The following INTS2 variants were observed in gnomAD, a reference collection of about 807,000 sequenced individuals.
INTS2 encodes KIAA1287.
INTS2 carries 57 observed loss-of-function variants against 139.6 expected under a neutral mutation model. That is an observed-to-expected ratio of 0.41 (90% CI 0.33 to 0.51). The LOEUF is 0.51. INTS2 is among the 20% of genes least tolerant of loss of function. The pLI is 0.28. For synonymous variants in INTS2, 473 were observed against 493.4 expected (o/e 0.96, Z 0.55); for missense variants, 1,196 against 1,436.7 (o/e 0.83, Z 2.71).
rs368476586 is a variant in INTS2 at position 61,911,981 on chromosome 17, T to C, written c.739A>G (p.Lys247Glu). 5 of 1,613,826 alleles carry C rather than the reference T, an allele frequency of 3.1e-6. No individual in the cohort carries two copies. Among genetic ancestry groups the C allele is most frequent in the Non-Finnish European group, 4.2e-6 (5 of 1,179,844 alleles). Reference sequence around the variant, plus strand: ...TTGAGGGCCTGAGAAGGATTCATTTTACACAAGAAGCGTAAGGCATCTGTC... The same window carrying C: ...TTGAGGGCCTGAGAAGGATTCATTTCACACAAGAAGCGTAAGGCATCTGTC... ...RRTDALRFLC[K>E]MNPSQALKVR... is the part of the protein sequence containing the mutation. Residue 247 changes from lysine to glutamate, a missense_variant, in exon 6 of 25, where the codon AAA becomes GAA. Around this residue, in one of 3 missense-constraint regions of INTS2, gnomAD observed 1,129 missense variants for 1,341.9 expected, o/e 0.84. Coordinates refer to ENST00000251334, the MANE Select transcript of INTS2 (RefSeq NM_001351695.2).
rs573158943 is a variant in INTS2 at position 61,872,794 on chromosome 17, A to G, written c.2583-334T>C. 6.6e-6 allele frequency among the ~76,000 whole-genome samples: 1 copy of G among 152,326 alleles called. No homozygotes were observed. Among genetic ancestry groups the G allele is most frequent in the East Asian group, 1.9e-4 (1 of 5,188 alleles). On this transcript the variant is annotated intron_variant, in intron 19 of 24. Transcript: ENST00000251334. The surrounding 1 kb of genome is among the most constrained non-coding windows in gnomAD (Gnocchi z 4.8). ...CGTACAAAAAGCTGATATCCTTTAT[A>G]GATAAAGAGCTCTTTAAGTCAATAA...
chr17:61,912,364 A>G (rs938005450), intron 5 of INTS2, among the ~76,000 whole-genome samples: 2 of 5,252 alleles, frequency 3.8e-4, no homozygotes, highest in African/African-American at 9.7e-4. Context: ...TGGGAGGCCA[A>G]GGTGGGGGCG....
intron 2 of INTS2, 115 bp downstream of exon 2, chr17:61,926,237 A>G (rs539945637): frequency 1.2e-6 from 1 of 829,358 alleles, no homozygotes; most frequent in South Asian, 1.9e-5. Flanking sequence ...GACCTAAGTA[A>G]AATGCTCTCC....
In INTS2 at chr17:61,869,688, C is replaced by G. The variant is rs1249111541; in HGVS notation, c.3030+49G>C. 6.3e-7 allele frequency: 1 copy of G among 1,585,964 alleles called. No individual in the cohort carries two copies. Reference sequence around the variant, plus strand: ...CCTGTTAATATAGTATTCAAAGCCCCCAAGAAAAATAAAGTTCAAACACAA... The same window carrying G: ...CCTGTTAATATAGTATTCAAAGCCCGCAAGAAAAATAAAGTTCAAACACAA... On this transcript the variant is annotated intron_variant, in intron 21 of 24. Transcript: ENST00000251334. This position sits in a 1 kb window ranked among gnomAD's most constrained non-coding sequence, Gnocchi z 5.4.
In INTS2 at chr17:61,897,726, C is replaced by T; in HGVS notation, c.1321G>A (p.Glu441Lys). 6.2e-7 allele frequency: 1 copy of T among 1,605,542 alleles called. No individual in the cohort carries two copies. The highest frequency in any genetic ancestry group is 2.2e-5 in the East Asian group (1 of 44,774). Reference protein sequence around the residue: ...FSTLVSTPEQEQLMVVWLSWM... With the variant: ...FSTLVSTPEQKQLMVVWLSWM... The stretch of plus-strand genomic sequence containing the variant: ...CTTAGCCACACCACCATCAGCTGCT[C>T]CTGTTCAGGTGTACTATATAAAATA... The change falls in exon 10 of 25, where the codon GAG (glutamate) becomes AAG (lysine). Residue 441 changes from glutamate (E) to lysine (K), a missense_variant. Physicochemically the swap from Glu to Lys is moderately conservative, Grantham distance 56. Transcript: ENST00000251334. The surrounding 1 kb of genome is among the most constrained non-coding windows in gnomAD (Gnocchi z 4.4).
intron 18 of INTS2, among the ~76,000 whole-genome samples, chr17:61,877,684 G>A (rs1479334756): frequency 6.6e-6 from 1 of 152,068 alleles, no homozygotes; most frequent in Non-Finnish European, 1.5e-5. Flanking sequence ...TAGAAATACT[G>A]TAAGGTTTCT....
At chr17:61,914,427 C>T (rs773869498) in intron 5 of INTS2, among the ~76,000 whole-genome samples, 3 of 152,064 alleles carry the variant, frequency 2.0e-5, no homozygotes, top group Non-Finnish European at 4.4e-5. Context: ...GCGCCAGGTG[C>T]AGTGGCTCAC....
intron 17 of INTS2, among the ~76,000 whole-genome samples, chr17:61,879,762 T>C (rs1603373604): frequency 6.6e-6 from 1 of 152,088 alleles, no homozygotes. Context: ...GGCAGGAGGA[T>C]TGCTAGAGCA....
chr17:61,895,896 A>G (rs1019180578), intron 11 of INTS2, among the ~76,000 whole-genome samples: 5 of 152,150 alleles, frequency 3.3e-5, no homozygotes, highest in African/African-American at 7.2e-5. Context: ...ACTTATATAA[A>G]CCCAAGAAAG....
intron 3 of INTS2, 72 bp downstream of exon 3, chr17:61,924,888 CT>C (rs2079692796): frequency 2.0e-6 from 3 of 1,476,250 alleles, no homozygotes; most frequent in Non-Finnish European, 1.9e-6. Flanking sequence ...CTTCTTGTCT[CT>C]TTTTCTGTCT....
chr17:61,878,931 C>CAAA (rs35652350), intron 17 of INTS2, among the ~76,000 whole-genome samples: 5,066 of 45,902 alleles, frequency 0.11, 523 homozygotes, highest in East Asian at 0.19. Flanking sequence ...ACCCTGTCTC[C>CAAA]AAAAAAAAAA....
At chr17:61,915,515 A>G (rs1012283193) in intron 5 of INTS2, among the ~76,000 whole-genome samples, 2 of 147,458 alleles carry the variant, frequency 1.4e-5, no homozygotes, top group East Asian at 2.0e-4. Flanking sequence ...AACAGAGTGA[A>G]ACTCTGTTTC....
At position 61,881,045 on chromosome 17, in the gene INTS2, T is replaced by C. The variant is rs770102907; in HGVS notation, c.2216A>G (p.Asn739Ser). Residue 739 changes from asparagine to serine, a missense_variant, in exon 17 of 25, where the codon AAT (asparagine) becomes AGT (serine). Physicochemically the swap from Asn to Ser is conservative, Grantham distance 46 (BLOSUM62 1). Coordinates refer to ENST00000251334, the MANE Select transcript of INTS2 (RefSeq NM_001351695.2). ...DALLRRMLLT[N>S]NAKNHSPKQL... ...TTTGGGAGAATGATTTTTAGCATTA[T>C]TAGTCAGGAGCATTCGCCGTAGCAG... The C allele has an allele frequency of 1.2e-6, 2 of 1,613,864 alleles. No homozygotes were observed. Among genetic ancestry groups the C allele is most frequent in the Non-Finnish European group, 8.5e-7 (1 of 1,179,774 alleles).
chr17:61,892,495 T>A (rs190299606), intron 13 of INTS2, among the ~76,000 whole-genome samples: 2 of 152,252 alleles, frequency 1.3e-5, no homozygotes, highest in Admixed American at 6.5e-5. Flanking sequence ...TTCCCCAATT[T>A]GTAAAACAAA....
chr17:61,912,353 C>A (rs1382342242), intron 5 of INTS2, among the ~76,000 whole-genome samples: 1 of 40,268 alleles, frequency 2.5e-5, no homozygotes, highest in Non-Finnish European at 5.6e-5. Flanking sequence ...TCCCAGAACT[C>A]TGGGAGGCCA....
Position 61,927,575 on chromosome 17 carries a change from C to T in INTS2, c.-19+79G>A, listed in dbSNP as rs1436901624. On this transcript the variant is annotated intron_variant, in intron 1 of 24. Coordinates refer to ENST00000251334, the MANE Select transcript of INTS2 (RefSeq NM_001351695.2). ...GGGCGCAACTAGAACCAATAAGTCCCTCAGGCTGAGCAAAGTCTGGCCAGG... is the reference window on the plus strand; with the variant it reads ...GGGCGCAACTAGAACCAATAAGTCCTTCAGGCTGAGCAAAGTCTGGCCAGG... 1.9e-5 allele frequency: 21 copies of T among 1,125,796 alleles called. No homozygotes were observed. In the Middle Eastern group the frequency reaches 2.2e-3, roughly 120 times the overall value. The allele number at this position is 1,125,796 out of a possible 1,614,324, so 69.7% of individuals were successfully genotyped here.
At position 61,904,686 on chromosome 17, in the gene INTS2, G is replaced by A. The variant is rs149160067; in HGVS notation, c.1182-101C>T. ...GTTACAAATTTTAAACTTTATAATG[G>A]TATCTTGCTATTTATAAAATCTTTA... On this transcript the variant is annotated intron_variant, in intron 8 of 24. Coordinates refer to ENST00000251334, the MANE Select transcript of INTS2 (RefSeq NM_001351695.2). 246 of 957,022 alleles carry A rather than the reference G, an allele frequency of 2.6e-4. 2 individuals are homozygous for A. In the African/African-American group the frequency reaches 3.5e-3, roughly 14 times the overall value. 59.3% of individuals were successfully genotyped at this position (957,022 alleles called of 1,614,324 possible).
At position 61,882,549 on chromosome 17, in the gene INTS2, G is replaced by A. The variant is rs1415834750; in HGVS notation, c.2090-1378C>T. Reference sequence around the variant, plus strand: ...TTGGAGACCAGCCTGGCCAACATGGGGAAATCCTGTCTCTACTAAAAATAC... The same window carrying A: ...TTGGAGACCAGCCTGGCCAACATGGAGAAATCCTGTCTCTACTAAAAATAC... On this transcript the variant is annotated intron_variant, in intron 16 of 24. Coordinates refer to ENST00000251334, the MANE Select transcript of INTS2 (RefSeq NM_001351695.2). This position sits in a 1 kb window ranked among gnomAD's most constrained non-coding sequence, Gnocchi z 4.7. Among the ~76,000 whole-genome samples, 1 of 152,008 alleles carries A rather than the reference G, an allele frequency of 6.6e-6. No homozygotes were observed. The highest frequency in any genetic ancestry group is 6.6e-5 in the Admixed American group (1 of 15,242).
At position 61,869,485 on chromosome 17, in the gene INTS2, A is replaced by T; in HGVS notation, c.3031-105T>A. 1.1e-6 allele frequency: 1 copy of T among 923,842 alleles called. No individual in the cohort carries two copies. The highest frequency in any genetic ancestry group is 1.7e-6 in the Non-Finnish European group (1 of 604,976). 57.2% of individuals were successfully genotyped at this position (923,842 alleles called of 1,614,324 possible). A position where few individuals can be genotyped will look rare whatever the true frequency, so the allele number is the denominator to read the frequency against. The stretch of plus-strand genomic sequence containing the variant: ...CATTTCCTTTCTGTAAAAATTGCTC[A>T]GAAGGCTATAGTGCCCCATATGTAA... On this transcript the variant is annotated intron_variant, in intron 21 of 24. Transcript: ENST00000251334. This position sits in a 1 kb window ranked among gnomAD's most constrained non-coding sequence, Gnocchi z 5.4.
Sources: gnomAD v4.1 joint callset for allele counts (sites outside exome capture counted in the v4.1 genomes callset) on GRCh38, gnomAD v4.1.1 for gene constraint, gnomAD v4.1.1 regional missense constraint, Gnocchi (gnomAD v3.1) non-coding constraint, MANE v1.5 for transcripts, NCBI Gene and HGNC (gene_info 2026-07-23, HGNC 2026-07-21) for gene names.